The following NRXN3 variants were observed in gnomAD, a reference collection of about 807,000 sequenced individuals.
NRXN3 encodes neurexin III.
Under a neutral mutation model 137.6 loss-of-function variants are expected in NRXN3, and 32 were observed. That is an observed-to-expected ratio of 0.23 (90% CI 0.18 to 0.31). The LOEUF (loss-of-function observed/expected upper bound fraction) is 0.31. NRXN3 is among the 10% of genes least tolerant of loss of function. The pLI is 1.00. For synonymous variants in NRXN3, 798 were observed against 784.5 expected, an observed-to-expected ratio of 1.02 and a Z score of -0.29; for missense variants, 1,574 against 2,062.5, an observed-to-expected ratio of 0.76 and a Z score of 4.59.
Position 78,327,200 on chromosome 14 carries a change from T to G in NRXN3, c.757+29340T>G, listed in dbSNP as rs186326554. Among the ~76,000 whole-genome samples the G allele has an allele frequency of 1.8e-4, 28 of 152,246 alleles. No individual in the cohort carries two copies. In the East Asian group the frequency reaches 2.9e-3, roughly 16 times the overall value. On this transcript the variant is annotated intron_variant, in intron 4 of 20. Transcript: ENST00000335750. The stretch of plus-strand genomic sequence containing the variant: ...AGGCATAATAGAACCATGTTTGAAG[T>G]GCAAAGGCAACAAAGACAAGGCAAA...
At chr14:78,814,896 T>C (rs907862296) in intron 10 of NRXN3, among the ~76,000 whole-genome samples, 1 of 152,198 alleles carries the variant, frequency 6.6e-6, no homozygotes, top group African/African-American at 2.4e-5. Context: ...GCAGTATGAA[T>C]GAATATAGAG....
Position 79,684,460 on chromosome 14 carries a change from C to T in NRXN3, c.3617-7713C>T, listed in dbSNP as rs75993502. Among the ~76,000 whole-genome samples, 1,697 of 152,276 alleles carry T rather than the reference C, an allele frequency of 0.011. 132 individuals are homozygous for T. The East Asian group carries it at 0.21, about 19-fold the overall frequency. On this transcript the variant is annotated intron_variant, in intron 17 of 20. Transcript: ENST00000335750. Reference sequence around the variant, plus strand: ...ATATTTTGGGAATAATAAATTCATTCTTAGGCAAGGGGGTTCAAGGATGGT... The same window carrying T: ...ATATTTTGGGAATAATAAATTCATTTTTAGGCAAGGGGGTTCAAGGATGGT...
At position 78,950,853 on chromosome 14, in the gene NRXN3, T is replaced by C. The variant is rs562855786; in HGVS notation, c.2276-6389T>C. Reference sequence around the variant, plus strand: ...CCGGGAGCTGGTTATCAAGTGTGACTCATAGGAGAGACACAATACCAGAAG... The same window carrying C: ...CCGGGAGCTGGTTATCAAGTGTGACCCATAGGAGAGACACAATACCAGAAG... On this transcript the variant is annotated intron_variant, in intron 10 of 20. Transcript: ENST00000335750. Among the ~76,000 whole-genome samples, 8 of 152,310 alleles carry C rather than the reference T, an allele frequency of 5.3e-5. No homozygotes were observed. In the Middle Eastern group the frequency reaches 0.01, roughly 194 times the overall value.
chr14:78,648,045 C>G (rs1240173853), intron 5 of NRXN3, among the ~76,000 whole-genome samples: 1 of 152,218 alleles, frequency 6.6e-6, no homozygotes, highest in African/African-American at 2.4e-5. Context: ...CTCCTCATTT[C>G]TTCCTTCATG....
intron 14 of NRXN3, among the ~76,000 whole-genome samples, chr14:78,972,357 A>G (rs1478070098): frequency 6.6e-6 from 1 of 152,188 alleles, no homozygotes; most frequent in Non-Finnish European, 1.5e-5. Context: ...AAATTAAACA[A>G]ATTGAGCTTT....
intron 4 of NRXN3, among the ~76,000 whole-genome samples, chr14:78,352,701 A>G (rs1162901451): frequency 1.3e-5 from 2 of 152,188 alleles, no homozygotes; most frequent in East Asian, 3.9e-4. Context: ...TTTAACTGAG[A>G]GACTGAGTGA....
chr14:79,259,592 G>T (rs2077267792), intron 15 of NRXN3, among the ~76,000 whole-genome samples: 1 of 146,452 alleles, frequency 6.8e-6, no homozygotes, highest in South Asian at 2.1e-4. Flanking sequence ...TATATATAGA[G>T]TTATATATAT....
intron 20 of NRXN3, among the ~76,000 whole-genome samples, chr14:79,845,694 C>T (rs1246924836): frequency 6.9e-5 from 7 of 101,572 alleles, no homozygotes; most frequent in African/African-American, 2.4e-4. Context: ...GAGACGGAGA[C>T]GGGGAGAGAG....
At position 78,243,452 on chromosome 14, in the gene NRXN3, G is replaced by T. The variant is rs767251599; in HGVS notation, c.359G>T (p.Arg120Leu). ...CTCATGGTGAGCCGTGACCGCCTGC[G>T]CACGGTGCTGATGCTTGATGGCGAG... ...HFLMVSRDRL[R>L]TVLMLDGEGQ... The change falls in exon 2 of 21, where the codon CGC becomes CTC. Residue 120 changes from arginine to leucine, a missense_variant. By Grantham distance (102) the Arg-to-Leu change is moderately radical. This residue lies in a region of NRXN3 where 400 missense variants were observed against 527.3 expected (regional missense o/e 0.76). Coordinates refer to ENST00000335750, the MANE Select transcript of NRXN3 (RefSeq NM_001330195.2). The surrounding 1 kb of genome is among the most constrained non-coding windows in gnomAD (Gnocchi z 4.2). 4 of 1,576,946 alleles carry T rather than the reference G, an allele frequency of 2.5e-6. No individual in the cohort carries two copies. Among genetic ancestry groups the T allele is most frequent in the Admixed American group, 1.8e-5 (1 of 56,322 alleles).
At chr14:79,037,740 TG>T (rs2099618439) in intron 15 of NRXN3, among the ~76,000 whole-genome samples, 1 of 127,286 alleles carries the variant, frequency 7.9e-6, no homozygotes, top group Admixed American at 8.8e-5. Flanking sequence ...CCAAGGCCAG[TG>T]GGCGTAAATT....
At chr14:79,826,097 G>T (rs1316146575) in intron 20 of NRXN3, among the ~76,000 whole-genome samples, 3 of 152,012 alleles carry the variant, frequency 2.0e-5, no homozygotes, top group Non-Finnish European at 4.4e-5. Flanking sequence ...CTGGGTTCAA[G>T]CAATTTTCCT....
rs538203218 is a variant in NRXN3, at chr14:79,093,498, G to T, written c.3262+105357G>T. Among the ~76,000 whole-genome samples, 3 of 152,350 alleles carry T rather than the reference G, an allele frequency of 2.0e-5. No homozygotes were observed. In the South Asian group the frequency reaches 6.2e-4, roughly 32 times the overall value. On this transcript the variant is annotated intron_variant, in intron 15 of 20. Coordinates refer to ENST00000335750, the MANE Select transcript of NRXN3 (RefSeq NM_001330195.2). ...AGGAAAAAGACACCATTAGGATGCT[G>T]CTGCGGATGCTGGGGTGAGTGATGT...
At chr14:79,234,298 ATATATAT>A (rs2072832581) in intron 15 of NRXN3, among the ~76,000 whole-genome samples, 3 of 8,084 alleles carry the variant, frequency 3.7e-4, no homozygotes, top group African/African-American at 1.4e-3. Flanking sequence ...TGGTAAATAT[ATATATAT>A]ATATATATAT....
intron 2 of NRXN3, among the ~76,000 whole-genome samples, chr14:78,254,477 G>A (rs1056983758): frequency 6.6e-6 from 1 of 151,954 alleles, no homozygotes; most frequent in African/African-American, 2.4e-5. Context: ...TCAGGACATC[G>A]AAATCATCCT....
intron 16 of NRXN3, among the ~76,000 whole-genome samples, chr14:79,631,644 C>A (rs2098349370): frequency 6.6e-6 from 1 of 152,150 alleles, no homozygotes; most frequent in African/African-American, 2.4e-5. Flanking sequence ...AGAGGTGAAG[C>A]CGGCTGGGCT....
intron 4 of NRXN3, among the ~76,000 whole-genome samples, chr14:78,378,649 A>T (rs1312417456): frequency 1.3e-5 from 2 of 152,170 alleles, no homozygotes; most frequent in African/African-American, 4.8e-5. Context: ...CTCACATCTT[A>T]AAAGCTAAAT....
At chr14:79,332,909 T>G (rs1228481280) in intron 15 of NRXN3, among the ~76,000 whole-genome samples, 2 of 152,158 alleles carry the variant, frequency 1.3e-5, no homozygotes, top group Admixed American at 6.5e-5. Flanking sequence ...TCTGATACAT[T>G]GTAATGACCA....
intron 16 of NRXN3, among the ~76,000 whole-genome samples, chr14:79,617,917 CAAAA>C (rs1162153685): frequency 1.1e-5 from 1 of 91,332 alleles, no homozygotes; most frequent in Non-Finnish European, 2.0e-5. Context: ...TGAATAGCAG[CAAAA>C]AAAAAAAAAA....
chr14:78,172,378 C>T (rs2153316631), intron 1 of NRXN3, among the ~76,000 whole-genome samples: 1 of 152,186 alleles, frequency 6.6e-6, no homozygotes, highest in South Asian at 2.1e-4. Flanking sequence ...TTAAAATGGT[C>T]CCGCTGGTTA....
Sources: allele counts gnomAD v4.1 joint callset (sites outside exome capture counted in the v4.1 genomes callset), GRCh38; gene constraint gnomAD v4.1.1; regional missense constraint gnomAD v4.1.1; non-coding constraint Gnocchi (gnomAD v3.1); transcripts MANE v1.5; gene names NCBI Gene and HGNC (gene_info 2026-07-23, HGNC 2026-07-21).